The following CAGE1 variants were observed in gnomAD, a reference collection of about 807,000 sequenced individuals.
CAGE1 encodes the protein cancer-associated gene 1 protein.
In CAGE1, 66 loss-of-function variants were observed where a neutral mutation model predicts 94.9. The observed-to-expected ratio is 0.70, with a 90% CI of 0.57 to 0.85. The LOEUF (loss-of-function observed/expected upper bound fraction) is 0.85, where lower values mean the gene tolerates loss of function less well. CAGE1 is among the 40% of genes least tolerant of loss of function. The pLI, the probability that CAGE1 is intolerant of heterozygous loss-of-function variation, is 0.00. For missense variants in CAGE1, 865 were observed against 950.4 expected (o/e 0.91, Z 1.18); for synonymous variants, 319 against 321.0 (o/e 0.99, Z 0.07).
Position 7,378,709 on chromosome 6 carries a change from C to G in CAGE1, c.595G>C (p.Glu199Gln), listed in dbSNP as rs373153702. Residue 199 changes from glutamate (E) to glutamine (Q), a missense_variant, in exon 4 of 14, where the codon GAG becomes CAG. By Grantham distance (29) the Glu-to-Gln change is conservative (BLOSUM62 2). Transcript: ENST00000502583. Reference sequence around the variant, plus strand: ...GACTTTTCTGTAAATTTCAGCATCTCTCCACTGCAGTGGATTAGAGGCGGG... The same window carrying G: ...GACTTTTCTGTAAATTTCAGCATCTGTCCACTGCAGTGGATTAGAGGCGGG... ...RSPPLIHCSG[E>Q]MLKFTEKSLA... 9 of 1,613,712 alleles carry G rather than the reference C, an allele frequency of 5.6e-6. No homozygotes were observed. The highest frequency in any genetic ancestry group is 6.8e-6 in the Non-Finnish European group (8 of 1,179,790).
At chr6:7,344,659 G>A (rs1415591725) in intron 11 of CAGE1, among the ~76,000 whole-genome samples, 4 of 152,234 alleles carry the variant, frequency 2.6e-5, no homozygotes, top group Admixed American at 6.5e-5. Flanking sequence ...CGGATCCACT[G>A]GGTGAAGCCA....
chr6:7,373,029 A>G (rs1760598285), intron 5 of CAGE1, 44 bp downstream of exon 5: 1 of 1,384,136 alleles, frequency 7.2e-7, no homozygotes, highest in South Asian at 1.4e-5. Flanking sequence ...ACCACTAGAA[A>G]CTCTTGAAAT....
At position 7,327,887 on chromosome 6, in the gene CAGE1, G is replaced by A. The variant is rs184874213; in HGVS notation, c.2479-988C>T. Reference sequence around the variant, plus strand: ...GGAGGTTGCAGTGAGCCGAGATTGCGCCATTGCACTCCAGCCTGGGCAACA... The same window carrying A: ...GGAGGTTGCAGTGAGCCGAGATTGCACCATTGCACTCCAGCCTGGGCAACA... On this transcript the variant is annotated intron_variant, in intron 13 of 13. Transcript: ENST00000502583. Among the ~76,000 whole-genome samples, 1,222 of 152,118 alleles carry A rather than the reference G, an allele frequency of 8.0e-3. 15 individuals are homozygous for A. Among genetic ancestry groups the A allele is most frequent in the Admixed American group, 0.012 (188 of 15,266 alleles).
chr6:7,379,645 C>T (rs368602819), intron 3 of CAGE1, among the ~76,000 whole-genome samples: 3 of 152,268 alleles, frequency 2.0e-5, no homozygotes, highest in East Asian at 3.9e-4. Context: ...AATTATTGAT[C>T]CCTTTTATCT....
intron 9 of CAGE1, among the ~76,000 whole-genome samples, chr6:7,359,994 C>G (rs1363390640): frequency 6.6e-6 from 1 of 152,142 alleles, no homozygotes; most frequent in Non-Finnish European, 1.5e-5. Flanking sequence ...TTCTGGAGGC[C>G]TTAGGGGAGA....
intron 9 of CAGE1, among the ~76,000 whole-genome samples, chr6:7,357,744 ATATT>A (rs1170706972): frequency 3.3e-5 from 5 of 152,016 alleles, no homozygotes; most frequent in Admixed American, 3.3e-4. Flanking sequence ...TTAATAACAC[ATATT>A]TAAAGTGTAT....
intron 9 of CAGE1, among the ~76,000 whole-genome samples, chr6:7,359,355 A>G (rs1760093814): frequency 6.6e-6 from 1 of 152,178 alleles, no homozygotes; most frequent in Admixed American, 6.6e-5. Context: ...CCTAATTTGT[A>G]TCTTAAAGAT....
chr6:7,365,092 A>G (rs1007822094), intron 9 of CAGE1, among the ~76,000 whole-genome samples: 3 of 152,188 alleles, frequency 2.0e-5, no homozygotes, highest in African/African-American at 7.2e-5. Context: ...AATACCATCT[A>G]AAGTACATTA....
At chr6:7,331,466 TA>T in intron 12 of CAGE1, 1 of 457,482 alleles carries the variant, frequency 2.2e-6, no homozygotes, top group Non-Finnish European at 4.0e-6. Flanking sequence ...CAGCCACTCC[TA>T]ATGTTGCAGT....
At chr6:7,374,633 A>G (rs960139968) in intron 4 of CAGE1, among the ~76,000 whole-genome samples, 1 of 151,888 alleles carries the variant, frequency 6.6e-6, no homozygotes, top group Non-Finnish European at 1.5e-5. Flanking sequence ...CCACATTTAG[A>G]CCATTATCTC....
At chr6:7,376,495 C>A (rs1454199535) in intron 4 of CAGE1, among the ~76,000 whole-genome samples, 2 of 152,102 alleles carry the variant, frequency 1.3e-5, no homozygotes, top group African/African-American at 4.8e-5. Context: ...TGCCCCTCCA[C>A]CTCCCACCAT....
intron 4 of CAGE1, among the ~76,000 whole-genome samples, chr6:7,376,443 G>A (rs1760748749): frequency 6.8e-6 from 1 of 147,768 alleles, no homozygotes; most frequent in East Asian, 2.1e-4. Flanking sequence ...TAAAATAAAA[G>A]TTAGTTTGGC....
At chr6:7,337,300 C>A (rs1340846117) in intron 11 of CAGE1, among the ~76,000 whole-genome samples, 1 of 142,842 alleles carries the variant, frequency 7.0e-6, no homozygotes, top group African/African-American at 2.6e-5. Context: ...GCCCTCCAGC[C>A]TGGGTGACAG....
Position 7,339,298 on chromosome 6 carries a change from C to A in CAGE1, c.2370-5208G>T. 2 of 1,580,578 alleles carry A rather than the reference C, an allele frequency of 1.3e-6. No individual in the cohort carries two copies. Among genetic ancestry groups the A allele is most frequent in the Non-Finnish European group, 8.7e-7 (1 of 1,150,306 alleles). Reference sequence around the variant, plus strand: ...ATGGCACACAGACCCCTAGTGGCCACCTCTTCAGCATAAAGCTCTACACTG... The same window carrying A: ...ATGGCACACAGACCCCTAGTGGCCAACTCTTCAGCATAAAGCTCTACACTG... On this transcript the variant is annotated intron_variant, in intron 11 of 13. Coordinates refer to ENST00000502583, the MANE Select transcript of CAGE1 (RefSeq NM_001170692.2). The surrounding 1 kb of genome is among the most constrained non-coding windows in gnomAD (Gnocchi z 4.7).
intron 5 of CAGE1, among the ~76,000 whole-genome samples, chr6:7,372,065 G>A (rs1760554856): frequency 1.3e-5 from 2 of 152,168 alleles, no homozygotes; most frequent in Non-Finnish European, 2.9e-5. Context: ...GTTCTTAAAT[G>A]TATAAAACTA....
intron 13 of CAGE1, among the ~76,000 whole-genome samples, chr6:7,328,567 G>A (rs1211992925): frequency 3.9e-5 from 6 of 152,114 alleles, no homozygotes; most frequent in Admixed American, 3.9e-4. Context: ...CATGCATAGA[G>A]GTAGGAAGTA....
intron 11 of CAGE1, among the ~76,000 whole-genome samples, chr6:7,345,686 G>A (rs184698627): frequency 2.0e-5 from 3 of 152,242 alleles, no homozygotes; most frequent in African/African-American, 7.2e-5. Context: ...CCAGCACTTT[G>A]GGAGGCTGAG....
At chr6:7,358,027 G>GATAGATATATATATATAT (rs1554138205) in intron 9 of CAGE1, among the ~76,000 whole-genome samples, 1 of 48,066 alleles carries the variant, frequency 2.1e-5, no homozygotes, top group African/African-American at 5.9e-5. Flanking sequence ...TAAGTTTTGA[G>GATAGATATATATATATAT]ATATATATAT....
rs1324093854 is a variant in CAGE1, at chr6:7,362,808, G to A, written c.2193+2660C>T. On this transcript the variant is annotated intron_variant, in intron 9 of 13. Transcript: ENST00000502583. This position sits in a 1 kb window ranked among gnomAD's most constrained non-coding sequence, Gnocchi z 4.1. ...AAAGAATAACATAATGAACCTCCAT[G>A]TTTCCATCCCATAACTTCAACAATT... Among the ~76,000 whole-genome samples, 1 of 152,086 alleles carries A rather than the reference G, an allele frequency of 6.6e-6. No individual in the cohort carries two copies. The highest frequency in any genetic ancestry group is 1.5e-5 in the Non-Finnish European group (1 of 68,010).
Sources: gnomAD v4.1 joint callset for allele counts (sites outside exome capture counted in the v4.1 genomes callset) on GRCh38, gnomAD v4.1.1 for gene constraint, Gnocchi (gnomAD v3.1) non-coding constraint, MANE v1.5 for transcripts, NCBI Gene and HGNC (gene_info 2026-07-23, HGNC 2026-07-21) for gene names.